Variants in MEGF6 observed in about 807,000 individuals in gnomAD.
MEGF6 encodes the protein multiple epidermal growth factor-like domains protein 6.
Under a neutral mutation model 207.1 loss-of-function variants are expected in MEGF6, and 184 were observed. That is an observed-to-expected ratio of 0.89 (90% CI 0.79 to 1.00). The LOEUF (loss-of-function observed/expected upper bound fraction) is 1.00. MEGF6 is among the 50% of genes least tolerant of loss of function. The pLI, the probability that MEGF6 is intolerant of heterozygous loss-of-function variation, is 0.00. For missense variants in MEGF6, 2,282 were observed against 2,202.9 expected, an observed-to-expected ratio of 1.04 and a Z score of -0.72; for synonymous variants, 1,038 against 910.0, an observed-to-expected ratio of 1.14 and a Z score of -2.53.
intron 29 of MEGF6, among the ~76,000 whole-genome samples, chr1:3,496,240 T>C (rs1343112766): frequency 6.6e-6 from 1 of 152,144 alleles, no homozygotes. Context: ...AGTGACTCAC[T>C]GCCACCCCCG....
At position 3,506,203 on chromosome 1, in the gene MEGF6, C is replaced by T. The variant is rs541848126; in HGVS notation, c.1823G>A (p.Arg608His). ...CCGGTTGGCACAGTTGCATTTCTTG[C>T]GACAGTGCTTGCCATAGTAGCCCTT... ...CPKGYYGKHC[R>H]KKCNCANRGR... Residue 608 changes from arginine (R) to histidine (H), a missense_variant, in exon 15 of 37, where the codon CGC (arginine) becomes CAC (histidine). Transcript: ENST00000356575. 117 of 1,606,558 alleles carry T rather than the reference C, an allele frequency of 7.3e-5. No individual in the cohort carries two copies. Among genetic ancestry groups the T allele is most frequent in the East Asian group, 4.9e-4 (22 of 44,672 alleles).
chr1:3,524,075 G>C, intron 5 of MEGF6, 49 bp downstream of exon 5: 1 of 1,589,618 alleles, frequency 6.3e-7, no homozygotes. Context: ...CCAGAGGGTA[G>C]GGATGGCTGA....
rs201240397 is a variant in MEGF6, at chr1:3,579,933, C to T, written c.377-4G>A. On this transcript the variant is annotated splice_region_variant and splice_polypyrimidine_tract_variant and intron_variant, in intron 3 of 36. Coordinates refer to ENST00000356575, the MANE Select transcript of MEGF6 (RefSeq NM_001409.4). ...CAGAGGCTGGCGCTGCATTCAGCTGCGGAGGGAAGGAGAAAATCGGTGAGA... is the reference window on the plus strand; with the variant it reads ...CAGAGGCTGGCGCTGCATTCAGCTGTGGAGGGAAGGAGAAAATCGGTGAGA... The T allele has an allele frequency of 7.3e-6, 11 of 1,513,556 alleles. No homozygotes were observed. Among genetic ancestry groups the T allele is most frequent in the Admixed American group, 2.5e-5 (1 of 40,274 alleles). 93.8% of individuals were successfully genotyped at this position (1,513,556 alleles called of 1,614,324 possible).
chr1:3,515,425 T>A lies in MEGF6; in HGVS notation c.707A>T (p.Gln236Leu). The A allele has an allele frequency of 6.2e-7, 1 of 1,612,410 alleles. No homozygotes were observed. The highest frequency in any genetic ancestry group is 8.5e-7 in the Non-Finnish European group (1 of 1,179,814). Reference protein sequence around the residue: ...RCQCRPGFQLQEDGRHCVRRS... With the variant: ...RCQCRPGFQLLEDGRHCVRRS... ...ACGGACACAATGCCTGCCGTCCTCC[T>A]GGAGCTGGAACCCGGGCCGGCACTG... The change falls in exon 6 of 37, where the codon CAG (glutamine) becomes CTG (leucine). Residue 236 changes from glutamine to leucine, a missense_variant. Coordinates refer to ENST00000356575, the MANE Select transcript of MEGF6 (RefSeq NM_001409.4).
In MEGF6 at chr1:3,501,834, C is replaced by A. The variant is rs552762518; in HGVS notation, c.2276G>T (p.Arg759Leu). The A allele has an allele frequency of 6.2e-7, 1 of 1,608,338 alleles. No homozygotes were observed. Among genetic ancestry groups the A allele is most frequent in the East Asian group, 2.2e-5 (1 of 44,770 alleles). Residue 759 changes from arginine to leucine, a missense_variant, in exon 18 of 37, where the codon CGG (arginine) becomes CTG (leucine). Transcript: ENST00000356575. ...APCHGVTGQCRCPPGRTGEDC... is the reference protein window; with the variant it reads ...APCHGVTGQCLCPPGRTGEDC... ...TTCCCCAGTCCTCCCCGGCGGACAC[C>A]GGCACTGCCCCGTGACCCCGTGGCA...
intron 1 of MEGF6, among the ~76,000 whole-genome samples, chr1:3,607,544 C>T (rs992005543): frequency 5.3e-5 from 8 of 152,204 alleles, no homozygotes; most frequent in African/African-American, 1.7e-4. Context: ...CGCACCCGCA[C>T]GGCCCCGGCG....
chr1:3,558,702 T>C (rs1643105709), intron 4 of MEGF6, among the ~76,000 whole-genome samples: 1 of 152,228 alleles, frequency 6.6e-6, no homozygotes, highest in Non-Finnish European at 1.5e-5. Flanking sequence ...TTCGGTGTGC[T>C]CTTGCGATCG....
chr1:3,509,018 G>T (rs1557732498), intron 12 of MEGF6, 57 bp downstream of exon 12: 1 of 1,455,746 alleles, frequency 6.9e-7, no homozygotes, highest in Non-Finnish European at 9.1e-7. Flanking sequence ...TAGCCCGAGG[G>T]GTCGCTGGCT....
chr1:3,512,404 G>A (rs760042906), intron 7 of MEGF6, among the ~76,000 whole-genome samples: 43 of 152,254 alleles, frequency 2.8e-4, no homozygotes, highest in Non-Finnish European at 4.8e-4. Context: ...CAGTGAGGAC[G>A]TGGAACCACA....
rs2101918700 is a variant in MEGF6, at chr1:3,611,328, A to G, written c.-60T>C. ...ACAGGCGGCCCCGGCGGCTCCCCGG[A>G]GCCTCCGCCTCCACGTGCGCCATAG... On this transcript the variant is annotated 5_prime_UTR_variant, in exon 1 of 37. Coordinates refer to ENST00000356575, the MANE Select transcript of MEGF6 (RefSeq NM_001409.4). 7.2e-7 allele frequency: 1 copy of G among 1,389,112 alleles called. No individual in the cohort carries two copies. Among genetic ancestry groups the G allele is most frequent in the Non-Finnish European group, 9.3e-7 (1 of 1,077,922 alleles). The allele number at this position is 1,389,112 out of a possible 1,614,324, so 86.0% of individuals were successfully genotyped here. A position where few individuals can be genotyped will look rare whatever the true frequency, so the allele number is the denominator to read the frequency against.
Position 3,573,045 on chromosome 1 carries a change from G to C in MEGF6, c.481+6780C>G, listed in dbSNP as rs1643552635. ...TCTCCTGGGTATGCTGAGTTCTCTT[G>C]GGTGTGCTGGGTCCTCCCTGGTGGG... On this transcript the variant is annotated intron_variant, in intron 4 of 36. Transcript: ENST00000356575. The surrounding 1 kb of genome is among the most constrained non-coding windows in gnomAD (Gnocchi z 5.1). 6.7e-6 allele frequency among the ~76,000 whole-genome samples: 1 copy of C among 149,656 alleles called. No homozygotes were observed. Among genetic ancestry groups the C allele is most frequent in the South Asian group, 2.1e-4 (1 of 4,694 alleles).
chr1:3,578,187 C>G (rs1643694868), intron 4 of MEGF6, among the ~76,000 whole-genome samples: 1 of 152,222 alleles, frequency 6.6e-6, no homozygotes, highest in Non-Finnish European at 1.5e-5. Flanking sequence ...CCACAGGAGG[C>G]TCTGCTTGGC....
chr1:3,523,078 G>GGA (rs921359430), intron 5 of MEGF6, among the ~76,000 whole-genome samples: 7 of 151,824 alleles, frequency 4.6e-5, no homozygotes, highest in East Asian at 2.0e-4. Flanking sequence ...GTGTGCCGGG[G>GGA]GGGGGGCCCC....
At position 3,490,214 on chromosome 1, in the gene MEGF6, C is replaced by G; in HGVS notation, c.*314G>C. 1 of 442,274 alleles carries G rather than the reference C, an allele frequency of 2.3e-6. No individual in the cohort carries two copies. Among genetic ancestry groups the G allele is most frequent in the South Asian group, 3.1e-5 (1 of 32,712 alleles). The allele number at this position is 442,274 out of a possible 1,614,324, so 27.4% of individuals were successfully genotyped here. A position where few individuals can be genotyped will look rare whatever the true frequency, so the allele number is the denominator to read the frequency against. ...CCTGCACCCACACTGGCGCCCACAC[C>G]TGTCCTCAGTCCAACTCAGAGCCGC... On this transcript the variant is annotated 3_prime_UTR_variant, in exon 37 of 37. Transcript: ENST00000356575.
At chr1:3,595,269 A>G (rs1449047074) in intron 3 of MEGF6, 69 bp downstream of exon 3, 3 of 1,097,692 alleles carry the variant, frequency 2.7e-6, no homozygotes, top group African/African-American at 3.1e-5. Flanking sequence ...CCCGGGGCAG[A>G]TTCATGGCTC....
Position 3,510,864 on chromosome 1 carries a change from C to A in MEGF6, c.1153G>T (p.Val385Leu), listed in dbSNP as rs1204265497. 2.5e-6 allele frequency: 4 copies of A among 1,610,038 alleles called. No homozygotes were observed. The highest frequency in any genetic ancestry group is 3.4e-6 in the Non-Finnish European group (4 of 1,177,742). Reference protein sequence around the residue: ...DCADSPCCQQVCTNNPGGYEC... With the variant: ...DCADSPCCQQLCTNNPGGYEC... ...TACCCGCCAGGGTTGTTGGTGCACA[C>A]CTGCTGGCAGCACGGGCTGTCTGCA... Residue 385 changes from valine to leucine, a missense_variant, in exon 10 of 37, where the codon GTG becomes TTG. Transcript: ENST00000356575.
rs1640875693 is a variant in MEGF6, at chr1:3,501,700, G to C, written c.2314+96C>G. ...CTCACACCTGCTATAGACGGGCCTG[G>C]GATCCGCAGGGCTGGGGCCCCCACA... On this transcript the variant is annotated intron_variant, in intron 18 of 36. Coordinates refer to ENST00000356575, the MANE Select transcript of MEGF6 (RefSeq NM_001409.4). 7 of 1,470,740 alleles carry C rather than the reference G, an allele frequency of 4.8e-6. No individual in the cohort carries two copies. In the East Asian group the frequency reaches 1.4e-4, roughly 30 times the overall value. The allele number at this position is 1,470,740 out of a possible 1,614,324, so 91.1% of individuals were successfully genotyped here.
chr1:3,530,173 C>T (rs1008053897), intron 4 of MEGF6, among the ~76,000 whole-genome samples: 2 of 152,176 alleles, frequency 1.3e-5, no homozygotes, highest in Non-Finnish European at 2.9e-5. Flanking sequence ...GCCTACCCAG[C>T]GAAGATGGAG....
chr1:3,493,042 C>T (rs1031462205), intron 34 of MEGF6: 19 of 487,618 alleles, frequency 3.9e-5, no homozygotes, highest in African/African-American at 2.7e-4. Flanking sequence ...AGTTCCTGCC[C>T]CGCCCCAGGA....
Sources: gnomAD v4.1 joint callset for allele counts (sites outside exome capture counted in the v4.1 genomes callset) on GRCh38, gnomAD v4.1.1 for gene constraint, Gnocchi (gnomAD v3.1) non-coding constraint, MANE v1.5 for transcripts, NCBI Gene and HGNC (gene_info 2026-07-23, HGNC 2026-07-21) for gene names.